The following DGKB variants were observed in gnomAD, a reference collection of about 807,000 sequenced individuals.
DGKB encodes 90 kDa diacylglycerol kinase.
DGKB carries 67 observed loss-of-function variants against 114.3 expected under a neutral mutation model. That is an observed-to-expected ratio of 0.59 (90% confidence interval 0.48 to 0.72). DGKB has a LOEUF of 0.72. DGKB is among the 30% of genes least tolerant of loss of function. The pLI, the probability that DGKB is intolerant of heterozygous loss-of-function variation, is 0.00. For synonymous variants in DGKB, 398 were observed against 323.1 expected (o/e 1.23, Z -2.49); for missense variants, 907 against 975.2 (o/e 0.93, Z 0.93).
intron 21 of DGKB, among the ~76,000 whole-genome samples, chr7:14,387,377 C>T (rs1820560599): frequency 1.5e-5 from 2 of 136,224 alleles, no homozygotes; most frequent in Non-Finnish European, 3.0e-5. Context: ...GGCACCATTG[C>T]ACTCCAGCCT....
At chr7:14,767,457 G>C (rs1041133193) in intron 2 of DGKB, among the ~76,000 whole-genome samples, 4 of 151,870 alleles carry the variant, frequency 2.6e-5, no homozygotes, top group Non-Finnish European at 5.9e-5. Flanking sequence ...CTGGTGCATA[G>C]TATATATTCA....
chr7:14,356,457 G>A lies in DGKB; in HGVS notation c.1836-11066C>T, dbSNP rs111381994. On this transcript the variant is annotated intron_variant, in intron 21 of 25. Coordinates refer to ENST00000402815, the MANE Select transcript of DGKB (RefSeq NM_001350709.2). ...GCTCACTGCAAGCTCCGCCTTCCGGGTTTATGCCATTCTCTTGCCTCAGCC... is the reference window on the plus strand; with the variant it reads ...GCTCACTGCAAGCTCCGCCTTCCGGATTTATGCCATTCTCTTGCCTCAGCC... 8.2e-3 allele frequency among the ~76,000 whole-genome samples: 1,241 copies of A among 150,436 alleles called. 17 individuals carry two copies. Among genetic ancestry groups the A allele is most frequent in the Middle Eastern group, 0.031 (9 of 290 alleles).
intron 20 of DGKB, among the ~76,000 whole-genome samples, chr7:14,557,913 ATTATT>A (rs925644791): frequency 1.3e-5 from 2 of 151,500 alleles, no homozygotes; most frequent in Non-Finnish European, 3.0e-5. Context: ...ACATTGGTTG[ATTATT>A]TTATCTCATT....
chr7:14,553,846 T>TTG (rs1795463653), intron 20 of DGKB, among the ~76,000 whole-genome samples: 1 of 151,052 alleles, frequency 6.6e-6, no homozygotes, highest in Non-Finnish European at 1.5e-5. Flanking sequence ...ATATATATAT[T>TTG]TGTGTGCTCC....
At chr7:14,187,070 C>T in intron 23 of DGKB, among the ~76,000 whole-genome samples, 1 of 152,032 alleles carries the variant, frequency 6.6e-6, no homozygotes, top group African/African-American at 2.4e-5. Context: ...GAAAAAAGTG[C>T]TACAAAGGAA....
chr7:14,582,335 T>C (rs1800054412), intron 18 of DGKB, among the ~76,000 whole-genome samples: 1 of 152,192 alleles, frequency 6.6e-6, no homozygotes, highest in South Asian at 2.1e-4. Flanking sequence ...TTTATACTTT[T>C]TCTTGTGCTG....
chr7:14,431,772 A>C (rs749985750), intron 21 of DGKB, among the ~76,000 whole-genome samples: 1 of 152,134 alleles, frequency 6.6e-6, no homozygotes, highest in Non-Finnish European at 1.5e-5. Context: ...TACATTCTTG[A>C]GAAAGATGTA....
chr7:14,396,982 T>G (rs1822308906), intron 21 of DGKB, among the ~76,000 whole-genome samples: 1 of 152,084 alleles, frequency 6.6e-6, no homozygotes, highest in Non-Finnish European at 1.5e-5. Context: ...AAAAATTATG[T>G]TATATGGAAA....
intron 4 of DGKB, among the ~76,000 whole-genome samples, chr7:14,741,360 G>C (rs1214743891): frequency 6.6e-6 from 1 of 152,202 alleles, no homozygotes; most frequent in Non-Finnish European, 1.5e-5. Flanking sequence ...TATTTATGAG[G>C]TTGGTCTCAA....
At chr7:14,634,049 T>A (rs1454927604) in intron 13 of DGKB, among the ~76,000 whole-genome samples, 1 of 151,534 alleles carries the variant, frequency 6.6e-6, no homozygotes, top group Non-Finnish European at 1.5e-5. Context: ...TAAGATATAA[T>A]GAGAGCACAG....
intron 6 of DGKB, among the ~76,000 whole-genome samples, chr7:14,703,385 G>A (rs780302250): frequency 6.6e-6 from 1 of 152,110 alleles, no homozygotes; most frequent in African/African-American, 2.4e-5. Flanking sequence ...AACACACATG[G>A]GTAGGATATA....
At chr7:14,567,170 A>C (rs1464927288) in intron 20 of DGKB, among the ~76,000 whole-genome samples, 1 of 96,694 alleles carries the variant, frequency 1.0e-5, no homozygotes, top group African/African-American at 4.0e-5. Flanking sequence ...ATATTTATAT[A>C]TATTATATAT....
intron 1 of DGKB, among the ~76,000 whole-genome samples, chr7:14,853,638 C>T (rs71538890): frequency 0.012 from 1,800 of 151,764 alleles, 25 homozygotes; most frequent in Non-Finnish European, 0.02. Context: ...GGGCGGATGA[C>T]GTGGTCAGGA....
At chr7:14,240,786 G>T (rs537641044) in intron 23 of DGKB, among the ~76,000 whole-genome samples, 28 of 152,226 alleles carry the variant, frequency 1.8e-4, no homozygotes, top group Admixed American at 9.8e-4. Flanking sequence ...TTAATAAGCT[G>T]AGTGACAGTA....
chr7:14,215,362 T>C (rs1035439420), intron 23 of DGKB, among the ~76,000 whole-genome samples: 1 of 152,130 alleles, frequency 6.6e-6, no homozygotes, highest in Non-Finnish European at 1.5e-5. Context: ...AATGTATTTA[T>C]AAAGTGCCCC....
chr7:14,279,158 A>G (rs1799484535), intron 23 of DGKB, among the ~76,000 whole-genome samples: 1 of 152,192 alleles, frequency 6.6e-6, no homozygotes, highest in East Asian at 1.9e-4. Context: ...CCACCCGAAT[A>G]CTGCGCTTTT....
At chr7:14,556,627 G>A (rs577625867) in intron 20 of DGKB, among the ~76,000 whole-genome samples, 2 of 151,810 alleles carry the variant, frequency 1.3e-5, no homozygotes, top group South Asian at 2.1e-4. Flanking sequence ...AGCAACTCTT[G>A]TTTTTATTTA....
At chr7:14,225,507 A>G (rs1421673199) in intron 23 of DGKB, among the ~76,000 whole-genome samples, 1 of 152,076 alleles carries the variant, frequency 6.6e-6, no homozygotes, top group Non-Finnish European at 1.5e-5. Context: ...AGAGCTCCTT[A>G]TGTTGAAAGA....
rs59838670 is a variant in DGKB, at chr7:14,704,279, C to CAAA, written c.467-2552_467-2550dup. On this transcript the variant is annotated intron_variant, in intron 6 of 25. Transcript: ENST00000402815. Reference sequence around the variant, plus strand: ...TGAAACCCCGTCTCTACTAAAAATACAAAAAAAAAAAAAAAAAAATTAGCC... The same window carrying CAAA: ...TGAAACCCCGTCTCTACTAAAAATACAAAAAAAAAAAAAAAAAAAAAATTAGCC... Among the ~76,000 whole-genome samples, 11 of 103,608 alleles carry CAAA rather than the reference C, an allele frequency of 1.1e-4. 1 individual carries two copies. The highest frequency in any genetic ancestry group is 3.8e-4 in the African/African-American group (11 of 29,122). The allele number at this position is 103,608 out of a possible 152,430, so 68.0% of individuals were successfully genotyped here. A position where few individuals can be genotyped will look rare whatever the true frequency, so the allele number is the denominator to read the frequency against.
Sources: allele counts gnomAD v4.1 joint callset (sites outside exome capture counted in the v4.1 genomes callset), GRCh38; gene constraint gnomAD v4.1.1; transcripts MANE v1.5; gene names NCBI Gene and HGNC (gene_info 2026-07-23, HGNC 2026-07-21).